Variants in BABAM2 observed in about 807,000 individuals in gnomAD.
BABAM2 encodes BRISC and BRCA1-A complex member 2.
Under a neutral mutation model 54.7 loss-of-function variants are expected in BABAM2, and 31 were observed. That is an observed-to-expected ratio of 0.57 (90% CI 0.43 to 0.77). BABAM2 has a LOEUF of 0.77. Among genes scored for constraint, BABAM2 ranks in the 30% least tolerant of loss-of-function variants. The pLI, the probability that BABAM2 is intolerant of heterozygous loss-of-function variation, is 0.00. For synonymous variants in BABAM2, 167 were observed against 162.9 expected, an observed-to-expected ratio of 1.03 and a Z score of -0.19; for missense variants, 364 against 455.8, an observed-to-expected ratio of 0.80 and a Z score of 1.83.
intron 6 of BABAM2, among the ~76,000 whole-genome samples, chr2:28,069,735 A>G (rs1663949862): frequency 6.6e-6 from 1 of 152,202 alleles, no homozygotes; most frequent in Non-Finnish European, 1.5e-5. Context: ...AAAAATAGTG[A>G]GGCTGTAACT....
At chr2:28,117,707 A>T (rs568792450) in intron 6 of BABAM2, among the ~76,000 whole-genome samples, 2 of 152,194 alleles carry the variant, frequency 1.3e-5, no homozygotes, top group Non-Finnish European at 2.9e-5. Flanking sequence ...TGAAGAAAGG[A>T]CCAGCCTTTT....
intron 6 of BABAM2, among the ~76,000 whole-genome samples, chr2:28,117,940 C>A (rs1668744748): frequency 6.6e-6 from 1 of 152,178 alleles, no homozygotes; most frequent in African/African-American, 2.4e-5. Flanking sequence ...ACATCTTCTA[C>A]CTTTTCTTTA....
chr2:27,981,587 A>G (rs907706699), intron 3 of BABAM2, among the ~76,000 whole-genome samples: 3 of 152,168 alleles, frequency 2.0e-5, no homozygotes, highest in African/African-American at 7.2e-5. Flanking sequence ...GACATTTCAT[A>G]TAAATAGATT....
intron 7 of BABAM2, among the ~76,000 whole-genome samples, chr2:28,141,445 C>T (rs1371110488): frequency 3.9e-5 from 6 of 152,106 alleles, no homozygotes; most frequent in Non-Finnish European, 8.8e-5. Context: ...TAACTTTTTT[C>T]TTGCTCTCGA....
intron 10 of BABAM2, among the ~76,000 whole-genome samples, chr2:28,256,312 C>G (rs1225475903): frequency 6.6e-6 from 1 of 152,006 alleles, no homozygotes; most frequent in African/African-American, 2.4e-5. Context: ...TATAAAAATA[C>G]CTGTGATTTC....
chr2:28,071,231 G>T (rs574733138), intron 6 of BABAM2, among the ~76,000 whole-genome samples: 1 of 152,148 alleles, frequency 6.6e-6, no homozygotes, highest in East Asian at 1.9e-4. Flanking sequence ...TTTTAAATTC[G>T]ATGTCTTTTA....
At chr2:28,187,235 CT>C (rs1676410439) in intron 7 of BABAM2, among the ~76,000 whole-genome samples, 1 of 152,142 alleles carries the variant, frequency 6.6e-6, no homozygotes, top group South Asian at 2.1e-4. Context: ...TGAATCTTGC[CT>C]ATGAAAGTGG....
chr2:28,261,703 C>G (rs1049072182), intron 10 of BABAM2, among the ~76,000 whole-genome samples: 5 of 151,916 alleles, frequency 3.3e-5, no homozygotes, highest in Non-Finnish European at 5.9e-5. Flanking sequence ...TTTTTCCTTT[C>G]CAGTGTGAGT....
At chr2:28,164,923 T>G (rs908947545) in intron 7 of BABAM2, among the ~76,000 whole-genome samples, 1 of 152,192 alleles carries the variant, frequency 6.6e-6, no homozygotes, top group Non-Finnish European at 1.5e-5. Flanking sequence ...TTAAGTACAT[T>G]CTTAAGTTTG....
At chr2:28,276,815 G>A (rs570841525) in intron 10 of BABAM2, among the ~76,000 whole-genome samples, 40 of 152,264 alleles carry the variant, frequency 2.6e-4, no homozygotes, top group Admixed American at 1.2e-3. Context: ...CACTCTTTAC[G>A]TATGTTAGGG....
chr2:28,080,713 A>G (rs1335622111), intron 6 of BABAM2, among the ~76,000 whole-genome samples: 5 of 152,212 alleles, frequency 3.3e-5, no homozygotes, highest in Non-Finnish European at 4.4e-5. Flanking sequence ...ACCACTTACA[A>G]TTACCTTGGC....
chr2:28,180,576 C>T (rs780105531), intron 7 of BABAM2, among the ~76,000 whole-genome samples: 4 of 151,988 alleles, frequency 2.6e-5, no homozygotes, highest in African/African-American at 9.7e-5. Context: ...AAGTCTGTGG[C>T]CTCAAAAGCA....
At chr2:28,073,911 T>C (rs886421684) in intron 6 of BABAM2, among the ~76,000 whole-genome samples, 6 of 152,172 alleles carry the variant, frequency 3.9e-5, no homozygotes, top group African/African-American at 1.4e-4. Flanking sequence ...CTAATTAGGA[T>C]AAAGTCTTAT....
chr2:28,292,416 A>G (rs966323457), intron 10 of BABAM2, among the ~76,000 whole-genome samples: 8 of 152,250 alleles, frequency 5.3e-5, no homozygotes, highest in Admixed American at 2.0e-4. Context: ...AATTATATGT[A>G]CATAGATTAT....
chr2:28,148,561 A>G (rs1204110248), intron 7 of BABAM2, among the ~76,000 whole-genome samples: 1 of 152,094 alleles, frequency 6.6e-6, no homozygotes, highest in Non-Finnish European at 1.5e-5. Flanking sequence ...CTTTTTTTGT[A>G]GCTGTCAGTT....
At position 28,038,131 on chromosome 2, in the gene BABAM2, C is replaced by T. The variant is rs189807987; in HGVS notation, c.496-7594C>T. 8.7e-4 allele frequency among the ~76,000 whole-genome samples: 133 copies of T among 152,222 alleles called. 1 individual carries two copies. In the East Asian group the frequency reaches 0.019, roughly 21 times the overall value. On this transcript the variant is annotated intron_variant, in intron 5 of 11. Coordinates refer to ENST00000379624, the MANE Select transcript of BABAM2 (RefSeq NM_199191.3). The stretch of plus-strand genomic sequence containing the variant: ...TATAGTAAAAATACTGATAACCAGA[C>T]ATAAAGAGAAAATCTTAAGTAACCA...
At chr2:28,161,911 T>C (rs1673138634) in intron 7 of BABAM2, among the ~76,000 whole-genome samples, 1 of 152,030 alleles carries the variant, frequency 6.6e-6, no homozygotes, top group South Asian at 2.1e-4. Context: ...CTCTGATAGA[T>C]ATAGGATGAA....
chr2:27,906,841 G>C (rs1666219974), intron 2 of BABAM2, among the ~76,000 whole-genome samples: 1 of 151,846 alleles, frequency 6.6e-6, no homozygotes, highest in Non-Finnish European at 1.5e-5. Flanking sequence ...GTTGTCTTTT[G>C]TCCCCTCTAT....
intron 7 of BABAM2, among the ~76,000 whole-genome samples, chr2:28,198,331 A>AT (rs1378494520): frequency 2.0e-5 from 3 of 151,938 alleles, no homozygotes; most frequent in Non-Finnish European, 4.4e-5. Flanking sequence ...TGCCTGGCTA[A>AT]TTTTTTGTAT....
Sources: allele counts gnomAD v4.1 joint callset (sites outside exome capture counted in the v4.1 genomes callset), GRCh38; gene constraint gnomAD v4.1.1; transcripts MANE v1.5; gene names NCBI Gene and HGNC (gene_info 2026-07-23, HGNC 2026-07-21).